ANO2: variants seen among roughly 807,000 people sequenced by gnomAD.
ANO2 encodes anoctamin-2.
Under a neutral mutation model 124.2 loss-of-function variants are expected in ANO2, and 101 were observed. That is an observed-to-expected ratio of 0.81 (90% confidence interval 0.69 to 0.96). The LOEUF (loss-of-function observed/expected upper bound fraction) is 0.96. Among genes scored for constraint, ANO2 ranks in the 40% least tolerant of loss-of-function variants. The probability of loss-of-function intolerance (pLI) is 0.00; values close to 1 mark genes in which losing one functional copy is unlikely to be tolerated. For missense variants in ANO2, 1,293 were observed against 1,274.5 expected (o/e 1.01, Z -0.22); for synonymous variants, 486 against 482.5 (o/e 1.01, Z -0.09).
At chr12:5,647,511 C>T (rs1946701566) in intron 15 of ANO2, among the ~76,000 whole-genome samples, 1 of 152,208 alleles carries the variant, frequency 6.6e-6, no homozygotes, top group African/African-American at 2.4e-5. Context: ...CATGCAGAAG[C>T]ACCATCTCGC....
chr12:5,743,811 A>G (rs1469884167), intron 12 of ANO2, among the ~76,000 whole-genome samples: 5 of 152,152 alleles, frequency 3.3e-5, no homozygotes, highest in African/African-American at 1.2e-4. Context: ...GTGCTGCACG[A>G]TATCTACAAT....
At chr12:5,921,476 T>G in intron 2 of ANO2, 110 bp from the exon 3 acceptor site, 1 of 1,118,448 alleles carries the variant, frequency 8.9e-7, no homozygotes, top group Non-Finnish European at 1.3e-6. Context: ...GAAGCAAGCC[T>G]CTCAGGCCCA....
intron 10 of ANO2, among the ~76,000 whole-genome samples, chr12:5,753,917 G>A (rs1208438932): frequency 1.3e-5 from 2 of 152,018 alleles, no homozygotes; most frequent in Admixed American, 6.6e-5. Context: ...GAAATACCAC[G>A]TTGAATGTGA....
rs138369011 is a variant in ANO2 at position 5,715,238 on chromosome 12, G to A, written c.1545+17282C>T. Among the ~76,000 whole-genome samples, 56 of 152,202 alleles carry A rather than the reference G, an allele frequency of 3.7e-4. No individual in the cohort carries two copies. In the East Asian group the frequency reaches 0.011, roughly 29 times the overall value. On this transcript the variant is annotated intron_variant, in intron 14 of 24. Transcript: ENST00000682330. The stretch of plus-strand genomic sequence containing the variant: ...TGAAGGGGGTTTCATACATTTTTCG[G>A]TCAATCATTTACCAACCGGGACACA...
In ANO2 at chr12:5,706,260, G is replaced by A. The variant is rs893796976; in HGVS notation, c.1545+26260C>T. Among the ~76,000 whole-genome samples the A allele has an allele frequency of 5.3e-5, 8 of 152,092 alleles. No homozygotes were observed. In the South Asian group the frequency reaches 6.2e-4, roughly 12 times the overall value. On this transcript the variant is annotated intron_variant, in intron 14 of 24. Coordinates refer to ENST00000682330, the MANE Select transcript of ANO2 (RefSeq NM_001364791.2). Reference sequence around the variant, plus strand: ...AAACTCTGAAGTAGCTGTCCATCTCGCTCAGACTAAAATCCAAAGTTCTGA... The same window carrying A: ...AAACTCTGAAGTAGCTGTCCATCTCACTCAGACTAAAATCCAAAGTTCTGA...
chr12:5,732,567 A>G lies in ANO2; in HGVS notation c.1498T>C (p.Ser500Pro), dbSNP rs1860961. Residue 500 changes from serine (S) to proline (P), a missense_variant, in exon 14 of 25, where the codon TCT becomes CCT. Transcript: ENST00000682330. ...REKMLKESNQ[S>P]AVQKLETNTT... Reference sequence around the variant, plus strand: ...TTTGTTTCCAATTTCTGGACAGCAGACTGGTTGCTCTCCTTTAGCATTTTC... The same window carrying G: ...TTTGTTTCCAATTTCTGGACAGCAGGCTGGTTGCTCTCCTTTAGCATTTTC... The G allele has an allele frequency of 1.5e-5, 24 of 1,613,672 alleles. No homozygotes were observed. The Admixed American group carries it at 3.8e-4, about 26-fold the overall frequency.
chr12:5,723,480 C>T (rs2137055127), intron 14 of ANO2, among the ~76,000 whole-genome samples: 1 of 152,194 alleles, frequency 6.6e-6, no homozygotes, highest in East Asian at 1.9e-4. Flanking sequence ...CATACATTTC[C>T]TTGCTACATC....
At chr12:5,627,581 C>T (rs887840077) in intron 16 of ANO2, among the ~76,000 whole-genome samples, 2 of 152,216 alleles carry the variant, frequency 1.3e-5, no homozygotes, top group African/African-American at 2.4e-5. Context: ...TCACCCCATG[C>T]TCCAAAAACA....
chr12:5,845,481 G>A (rs1954652720), intron 4 of ANO2, among the ~76,000 whole-genome samples: 1 of 149,640 alleles, frequency 6.7e-6, no homozygotes, highest in East Asian at 2.0e-4. Context: ...GCCGGAGAAT[G>A]GCATCAACTC....
intron 3 of ANO2, among the ~76,000 whole-genome samples, chr12:5,867,495 T>G (rs556057265): frequency 1.3e-5 from 2 of 152,318 alleles, no homozygotes; most frequent in Admixed American, 1.3e-4. Flanking sequence ...CTTCCTGGAA[T>G]ATACAGTGCT....
chr12:5,874,384 C>T (rs1937946430), intron 3 of ANO2, among the ~76,000 whole-genome samples: 1 of 152,180 alleles, frequency 6.6e-6, no homozygotes, highest in South Asian at 2.1e-4. Flanking sequence ...CTTCTCTTGC[C>T]CTATGCAGGC....
chr12:5,868,516 G>A (rs1955491413), intron 3 of ANO2, among the ~76,000 whole-genome samples: 1 of 152,206 alleles, frequency 6.6e-6, no homozygotes, highest in African/African-American at 2.4e-5. Context: ...ACAATGTCTG[G>A]CACATAGTAG....
intron 1 of ANO2, among the ~76,000 whole-genome samples, chr12:5,935,860 G>A (rs919171820): frequency 2.6e-5 from 4 of 152,164 alleles, no homozygotes; most frequent in Non-Finnish European, 5.9e-5. Flanking sequence ...GTACAACCAG[G>A]GTTGAGACCA....
intron 16 of ANO2, 33 bp from the exon 17 acceptor site, chr12:5,615,330 G>A: frequency 6.4e-7 from 1 of 1,550,578 alleles, no homozygotes; most frequent in Non-Finnish European, 8.8e-7. Flanking sequence ...ATGAGATTGG[G>A]GTGAGATTTC....
In ANO2 at chr12:5,801,436, A is replaced by G. The variant is rs143401941; in HGVS notation, c.991-1865T>C. On this transcript the variant is annotated intron_variant, in intron 9 of 24. Transcript: ENST00000682330. ...GTTACATTATTTATTCTCCTACCAC[A>G]TCACACACATTTCACGAGGAAATCT... is the stretch of plus-strand genomic sequence containing the variant. Among the ~76,000 whole-genome samples, 284 of 152,350 alleles carry G rather than the reference A, an allele frequency of 1.9e-3. 1 individual carries two copies. The highest frequency in any genetic ancestry group is 6.4e-3 in the African/African-American group (267 of 41,568).
intron 2 of ANO2, among the ~76,000 whole-genome samples, chr12:5,921,616 GCA>G (rs1010254617): frequency 2.0e-5 from 3 of 151,954 alleles, no homozygotes; most frequent in African/African-American, 7.3e-5. Flanking sequence ...CAGCATCCAT[GCA>G]CACACACACT....
At chr12:5,564,009 G>A (rs1941604461) in intron 24 of ANO2, among the ~76,000 whole-genome samples, 1 of 152,196 alleles carries the variant, frequency 6.6e-6, no homozygotes, top group Non-Finnish European at 1.5e-5. Context: ...GGCTTCTCCT[G>A]GGCTGTCACG....
intron 1 of ANO2, among the ~76,000 whole-genome samples, chr12:5,931,579 G>T (rs1290899326): frequency 2.0e-4 from 27 of 133,434 alleles, no homozygotes; most frequent in African/African-American, 7.3e-4. Flanking sequence ...AGGCAGACGA[G>T]TGAGGAAAGA....
At chr12:5,873,241 CT>C (rs1565739368) in intron 3 of ANO2, among the ~76,000 whole-genome samples, 8 of 144,270 alleles carry the variant, frequency 5.5e-5, no homozygotes, top group African/African-American at 1.9e-4. Context: ...CTCTCTCTCT[CT>C]CTCTGTCTGT....
Sources: allele counts gnomAD v4.1 joint callset (sites outside exome capture counted in the v4.1 genomes callset), GRCh38; gene constraint gnomAD v4.1.1; transcripts MANE v1.5; gene names NCBI Gene and HGNC (gene_info 2026-07-23, HGNC 2026-07-21).